Variants in KLHL13 observed in about 807,000 individuals in gnomAD.
KLHL13 encodes the protein kelch like family member 13.
KLHL13 carries 10 observed loss-of-function variants against 37.1 expected under a neutral mutation model. That is an observed-to-expected ratio of 0.27 (90% confidence interval 0.17 to 0.46). The LOEUF is 0.46. Among genes scored for constraint, KLHL13 ranks in the 20% least tolerant of loss-of-function variants. The pLI is 1.00. For synonymous variants in KLHL13, 163 were observed against 181.2 expected (o/e 0.90, Z 0.81); for missense variants, 360 against 509.3 (o/e 0.71, Z 2.82).
At chrX:117,917,089 C>T (rs751429519) in intron 4 of KLHL13, among the ~76,000 whole-genome samples, 21 of 111,074 alleles carry the variant, frequency 1.9e-4, no homozygotes, top group Non-Finnish European at 4.0e-4. Context: ...ACTAAAAAAA[C>T]AGAATGCATG....
intron 1 of KLHL13, among the ~76,000 whole-genome samples, chrX:118,003,211 T>C (rs2053945297): frequency 8.9e-6 from 1 of 112,204 alleles, no homozygotes; most frequent in South Asian, 3.7e-4. Context: ...AATACCTCTA[T>C]TCAAAAATGA....
In KLHL13 at chrX:117,912,906, G is replaced by A. The variant is rs189045645; in HGVS notation, c.571-2810C>T. On this transcript the variant is annotated intron_variant, in intron 4 of 6. Transcript: ENST00000262820. ...TCAAAAATATAAAAAGTAAAGATAC[G>A]ATGATAGATGCAATTAAAAATAGGA... is the stretch of plus-strand genomic sequence containing the variant. Among the ~76,000 whole-genome samples the A allele has an allele frequency of 1.6e-3, 178 of 111,676 alleles. 1 individual carries two copies. Among genetic ancestry groups the A allele is most frequent in the South Asian group, 0.013 (34 of 2,686 alleles).
chrX:118,091,629 T>A (rs1030107086), intron 1 of KLHL13, among the ~76,000 whole-genome samples: 1 of 110,603 alleles, frequency 9.0e-6, no homozygotes, highest in African/African-American at 3.3e-5. Flanking sequence ...AAAATATGAA[T>A]ACAGAATTAG....
intron 5 of KLHL13, among the ~76,000 whole-genome samples, chrX:117,905,135 A>G (rs1257248572): frequency 9.0e-6 from 1 of 110,778 alleles, no homozygotes; most frequent in East Asian, 2.8e-4. Flanking sequence ...GAAACCCCCA[A>G]ATCCTTTGGG....
At chrX:118,001,209 GA>G (rs746010429) in intron 1 of KLHL13, among the ~76,000 whole-genome samples, 25 of 111,749 alleles carry the variant, frequency 2.2e-4, no homozygotes, top group Non-Finnish European at 4.3e-4. Flanking sequence ...ACTGCCATTA[GA>G]AAACTTTCTA....
chrX:117,903,308 T>A (rs932345381), intron 5 of KLHL13, among the ~76,000 whole-genome samples: 10 of 111,571 alleles, frequency 9.0e-5, no homozygotes, highest in Non-Finnish European at 1.9e-4. Flanking sequence ...ACTTCTTGTA[T>A]CTCTCTACTG....
At chrX:118,037,154 AACTAGTTCAACCATTGTGGAAG>A (rs1323585070) in intron 1 of KLHL13, among the ~76,000 whole-genome samples, 2 of 91,994 alleles carry the variant, frequency 2.2e-5, no homozygotes, top group African/African-American at 8.1e-5. Context: ...TGGGACTGTA[AACTAGTTCAACCATTGTGGAAG>A]TCAGTGTGGC....
intron 1 of KLHL13, among the ~76,000 whole-genome samples, chrX:118,076,990 A>G (rs907851735): frequency 9.2e-6 from 1 of 108,692 alleles, no homozygotes; most frequent in African/African-American, 3.4e-5. Context: ...TTCTCTCTGA[A>G]CAACCCCGAC....
At chrX:117,929,816 T>C (rs1244112601) in intron 2 of KLHL13, among the ~76,000 whole-genome samples, 2 of 99,482 alleles carry the variant, frequency 2.0e-5, no homozygotes, top group African/African-American at 7.4e-5. Context: ...TTAAATTAAA[T>C]TAGTCGAGTG....
chrX:117,932,111 T>C (rs967911975), intron 2 of KLHL13, among the ~76,000 whole-genome samples: 1 of 111,559 alleles, frequency 9.0e-6, no homozygotes, highest in Non-Finnish European at 1.9e-5. Context: ...CATGTATACA[T>C]AGTATAATGA....
upstream of KLHL13, chrX:117,973,866 G>T: frequency 3.1e-6 from 1 of 318,516 alleles, no homozygotes; most frequent in Non-Finnish European, 3.8e-6. Context: ...CTCACAAATT[G>T]CCTAGAGGAA....
intron 1 of KLHL13, among the ~76,000 whole-genome samples, chrX:118,083,113 C>T (rs756094027): frequency 1.4e-4 from 16 of 111,794 alleles, no homozygotes; most frequent in Non-Finnish European, 2.6e-4. Context: ...TTTATAAAAA[C>T]TATCATTGGT....
intron 1 of KLHL13, among the ~76,000 whole-genome samples, chrX:118,019,003 T>C (rs906058215): frequency 9.0e-6 from 1 of 111,480 alleles, no homozygotes; most frequent in Non-Finnish European, 1.9e-5. Flanking sequence ...AAATGATTAC[T>C]ATAGTTAAAC....
exon 4 of KLHL13, chrX:117,919,662 G>A (rs75572880): frequency 9.9e-6 from 12 of 1,207,185 alleles, no homozygotes; most frequent in Non-Finnish European, 1.3e-5. Context: ...TCCTTAGACC[G>A]ACTTTGCTCA....
chrX:118,031,955 T>C lies in KLHL13; in HGVS notation c.-56+84553A>G, dbSNP rs1012848948. 1.4e-3 allele frequency among the ~76,000 whole-genome samples: 158 copies of C among 110,296 alleles called. 1 individual carries two copies. The highest frequency in any genetic ancestry group is 1.5e-3 in the Non-Finnish European group (77 of 52,821). ...AAGCACAAGGGGTCAGGGTGTTCCC[T>C]TTCCTAGTCAGAGAAAGGGGTGACA... On this transcript the variant is annotated intron_variant, in intron 1 of 6. Coordinates refer to the KLHL13 transcript ENST00000371882.
chrX:117,930,561 T>C (rs1203242886), intron 2 of KLHL13, among the ~76,000 whole-genome samples: 1 of 111,943 alleles, frequency 8.9e-6, no homozygotes. Context: ...AGTTGGTATG[T>C]GATAGCCCTC....
intron 5 of KLHL13, among the ~76,000 whole-genome samples, chrX:117,903,135 AACACACAC>A (rs751986919): frequency 0.013 from 1,260 of 99,782 alleles, 13 homozygotes; most frequent in Non-Finnish European, 0.017. Context: ...TGACAGGCAA[AACACACAC>A]ACACACACAC....
At chrX:118,042,115 C>T (rs1324389825) in intron 1 of KLHL13, among the ~76,000 whole-genome samples, 1 of 111,586 alleles carries the variant, frequency 9.0e-6, no homozygotes, top group Non-Finnish European at 1.9e-5. Context: ...GACAAAATGG[C>T]ATTTTATACT....
Position 118,105,536 on chromosome X carries a change from G to A in KLHL13, c.-56+10972C>T, listed in dbSNP as rs7050298. The stretch of plus-strand genomic sequence containing the variant: ...ATCAGATGCACTTGGAAGGGTCCCA[G>A]GCTCATAATGAGTGCAATAATGATT... On this transcript the variant is annotated intron_variant, in intron 1 of 6. Coordinates refer to the KLHL13 transcript ENST00000371882. 9.2e-3 allele frequency among the ~76,000 whole-genome samples: 1,031 copies of A among 112,637 alleles called. 14 individuals carry two copies. The highest frequency in any genetic ancestry group is 0.031 in the African/African-American group (971 of 31,014).
Sources: allele counts gnomAD v4.1 joint callset (sites outside exome capture counted in the v4.1 genomes callset), GRCh38; gene constraint gnomAD v4.1.1; transcripts MANE v1.5; gene names NCBI Gene and HGNC (gene_info 2026-07-23, HGNC 2026-07-21).